The following ATP13A3 variants were observed in gnomAD, a reference collection of about 807,000 sequenced individuals.
ATP13A3 encodes the protein polyamine-transporting ATPase 13A3.
In ATP13A3, 59 loss-of-function variants were observed where a neutral mutation model predicts 158.1. The observed-to-expected ratio is 0.37, with a 90% CI of 0.30 to 0.46. The LOEUF (loss-of-function observed/expected upper bound fraction) is 0.46, where lower values mean the gene tolerates loss of function less well. Among genes scored for constraint, ATP13A3 ranks in the 20% least tolerant of loss-of-function variants. The pLI is 1.00. For missense variants in ATP13A3, 1,166 were observed against 1,525.2 expected, an observed-to-expected ratio of 0.76 and a Z score of 3.92; for synonymous variants, 491 against 504.3, an observed-to-expected ratio of 0.97 and a Z score of 0.35.
intron 4 of ATP13A3, 104 bp downstream of exon 4, chr3:194,460,554 T>C: frequency 8.5e-7 from 1 of 1,170,804 alleles, no homozygotes; most frequent in South Asian, 1.7e-5. Flanking sequence ...CCTCATTTTA[T>C]CCAGGCAGCG....
At chr3:194,452,550 C>T (rs762298692) in intron 10 of ATP13A3, 2 of 152,154 alleles carry the variant, frequency 1.3e-5, no homozygotes, top group African/African-American at 2.4e-5. Flanking sequence ...GTCTTTTGGA[C>T]TGAGCCCAAA....
chr3:194,433,646 A>C lies in ATP13A3; in HGVS notation c.2245+126T>G, dbSNP rs927411155. The C allele has an allele frequency of 1.6e-5, 20 of 1,216,118 alleles. No individual in the cohort carries two copies. The Admixed American group carries it at 2.2e-4, about 13-fold the overall frequency. The allele number at this position is 1,216,118 out of a possible 1,614,324, so 75.3% of individuals were successfully genotyped here. On this transcript the variant is annotated intron_variant, in intron 21 of 33. Transcript: ENST00000645319. The stretch of plus-strand genomic sequence containing the variant: ...GCTTGGGAAAATATTCAGAGCTAAA[A>C]GAGAACTTAGGTTGAAACCACTATA...
At chr3:194,428,105 C>T (rs1213248466) in intron 28 of ATP13A3, among the ~76,000 whole-genome samples, 1 of 151,664 alleles carries the variant, frequency 6.6e-6, no homozygotes, top group Non-Finnish European at 1.5e-5. Context: ...CCTGTAATCC[C>T]AGCTACTCAG....
chr3:194,460,743 A>C lies in ATP13A3; in HGVS notation c.140T>G (p.Leu47Arg). 6.2e-7 allele frequency: 1 copy of C among 1,609,664 alleles called. No homozygotes were observed. Among genetic ancestry groups the C allele is most frequent in the Non-Finnish European group, 8.5e-7 (1 of 1,176,874 alleles). The change falls in exon 4 of 34, where the codon CTC becomes CGC. Residue 47 changes from leucine (L) to arginine (R), a missense_variant. Leu to Arg is a moderately radical substitution (Grantham distance 102, BLOSUM62 -2). Transcript: ENST00000645319. Reference protein sequence around the residue: ...ICSGGFLLLLLYWMPEWRVKA... With the variant: ...ICSGGFLLLLRYWMPEWRVKA... ...CACCCGCCACTCAGGCATCCAATAG[A>C]GGAGGAGGAGGAGAAACCCACCAGA...
intron 11 of ATP13A3, 142 bp downstream of exon 11, chr3:194,450,003 C>T (rs1288978669): frequency 8.0e-6 from 7 of 874,308 alleles, no homozygotes; most frequent in South Asian, 1.8e-5. Flanking sequence ...ATTCGGTCTA[C>T]TCAGAATTTT....
intron 2 of ATP13A3, among the ~76,000 whole-genome samples, chr3:194,477,850 G>A (rs907208840): frequency 2.0e-4 from 30 of 152,152 alleles, no homozygotes; most frequent in African/African-American, 7.0e-4. Flanking sequence ...AGACAGAGCT[G>A]GGGCAGACAC....
intron 33 of ATP13A3, 31 bp downstream of exon 33, chr3:194,412,168 C>T (rs1577023808): frequency 2.0e-6 from 3 of 1,505,982 alleles, no homozygotes; most frequent in African/African-American, 1.4e-5. Flanking sequence ...AGAGAGGCAG[C>T]AAGAATTGAC....
At position 194,486,830 on chromosome 3, in the gene ATP13A3, G is replaced by C. The variant is rs1308562111; in HGVS notation, c.-353C>G. Reference sequence around the variant, plus strand: ...GGCGGCGGCGTGCAGCCGGCAGGGCGAGAACAAGGGAGGGCGGCGGGAGGT... The same window carrying C: ...GGCGGCGGCGTGCAGCCGGCAGGGCCAGAACAAGGGAGGGCGGCGGGAGGT... On this transcript the variant is annotated 5_prime_UTR_variant, in exon 1 of 34. Coordinates refer to ENST00000645319, the MANE Select transcript of ATP13A3 (RefSeq NM_001367549.1). The C allele has an allele frequency of 6.6e-6, 1 of 151,482 alleles. No individual in the cohort carries two copies. The highest frequency in any genetic ancestry group is 2.4e-5 in the African/African-American group (1 of 41,306). 9.4% of individuals were successfully genotyped at this position (151,482 alleles called of 1,614,324 possible).
intron 32 of ATP13A3, 102 bp downstream of exon 32, chr3:194,413,657 G>T: frequency 9.6e-7 from 1 of 1,044,844 alleles, no homozygotes; most frequent in Non-Finnish European, 1.5e-6. Flanking sequence ...CTGAGACTCT[G>T]TGGCTTTCCA....
At position 194,447,100 on chromosome 3, in the gene ATP13A3, T is replaced by G; in HGVS notation, c.1324A>C (p.Ile442Leu). The change falls in exon 14 of 34, where the codon ATA becomes CTA. Residue 442 changes from isoleucine (I) to leucine (L), a missense_variant. Ile to Leu is a conservative substitution (Grantham distance 5). Around this residue, in one of 3 missense-constraint regions of ATP13A3, gnomAD observed 997 missense variants for 1,341.2 expected, o/e 0.74. Transcript: ENST00000645319. The part of the protein sequence containing the change: ...SILNEVQVGV[I>L]IIESLDIITI... Reference sequence around the variant, plus strand: ...ATAATATCAAGAGACTCGATAATTATGACCCCAACTTGTACCTACAATTAA... The same window carrying G: ...ATAATATCAAGAGACTCGATAATTAGGACCCCAACTTGTACCTACAATTAA... The G allele has an allele frequency of 1.2e-6, 2 of 1,608,276 alleles. No homozygotes were observed. The highest frequency in any genetic ancestry group is 1.7e-6 in the Non-Finnish European group (2 of 1,178,530).
In ATP13A3 at chr3:194,437,112, T is replaced by C. The variant is rs752129910; in HGVS notation, c.2103A>G (p.Lys701=). 4.3e-6 allele frequency: 7 copies of C among 1,614,102 alleles called. No individual in the cohort carries two copies. Among genetic ancestry groups the C allele is most frequent in the Non-Finnish European group, 8.5e-7 (1 of 1,180,050 alleles). Residue 701 remains lysine, a synonymous_variant, in exon 20 of 34, where the codon AAA becomes AAG. Coordinates refer to ENST00000645319, the MANE Select transcript of ATP13A3 (RefSeq NM_001367549.1). ...RKLESKLTWH[K]VQNISRDAIE... ...AACCTCACCTGCTAATATTCTGTAC[T>C]TTATGCCATGTCAGTTTTGACTCCA...
chr3:194,423,524 C>T (rs544948807), intron 30 of ATP13A3, among the ~76,000 whole-genome samples: 15 of 152,294 alleles, frequency 9.8e-5, no homozygotes, highest in African/African-American at 3.1e-4. Context: ...AGAATGCCTG[C>T]ATCAACTGCA....
At chr3:194,406,148 AC>A in intron 33 of ATP13A3, 32 bp from the exon 34 acceptor site, 1 of 1,605,326 alleles carries the variant, frequency 6.2e-7, no homozygotes, top group Non-Finnish European at 8.5e-7. Flanking sequence ...AAAACAAAAC[AC>A]CCCAGTTGAT....
chr3:194,473,839 A>C (rs1720415070), intron 2 of ATP13A3, among the ~76,000 whole-genome samples: 1 of 152,244 alleles, frequency 6.6e-6, no homozygotes, highest in African/African-American at 2.4e-5. Flanking sequence ...GAATGAGTTA[A>C]ATCTATGTGT....
Position 194,431,116 on chromosome 3 carries a change from G to A in ATP13A3, c.2532C>T (p.Asp844=), listed in dbSNP as rs750561001. The A allele has an allele frequency of 6.2e-7, 1 of 1,613,818 alleles. No homozygotes were observed. Among genetic ancestry groups the A allele is most frequent in the East Asian group, 2.2e-5 (1 of 44,868 alleles). Residue 844 remains aspartate, a synonymous_variant, in exon 23 of 34, where the codon GAC becomes GAT. Coordinates refer to ENST00000645319, the MANE Select transcript of ATP13A3 (RefSeq NM_001367549.1). ...CCAAATTACTTACCTTAGGAACAAGGTCTTGAAAATGCTCCAGTATCACTG... is the reference window on the plus strand; with the variant it reads ...CCAAATTACTTACCTTAGGAACAAGATCTTGAAAATGCTCCAGTATCACTG... ...SFSVILEHFQ[D]LVPKLMLHGT...
chr3:194,459,699 CT>C lies in ATP13A3; in HGVS notation c.408+89del. 4 of 1,395,796 alleles carry C rather than the reference CT, an allele frequency of 2.9e-6. 1 individual carries two copies. In the South Asian group the frequency reaches 5.7e-5, roughly 20 times the overall value. The allele number at this position is 1,395,796 out of a possible 1,614,324, so 86.5% of individuals were successfully genotyped here. A position where few individuals can be genotyped will look rare whatever the true frequency, so the allele number is the denominator to read the frequency against. On this transcript the variant is annotated intron_variant, in intron 5 of 33. Coordinates refer to ENST00000645319, the MANE Select transcript of ATP13A3 (RefSeq NM_001367549.1). ...CAGGTAAATTTATCTCAAGCATTAACTGCAAACACAAAATTATAGAATATAC... is the reference window on the plus strand; with the variant it reads ...CAGGTAAATTTATCTCAAGCATTAACGCAAACACAAAATTATAGAATATAC...
chr3:194,470,319 T>A lies in ATP13A3; in HGVS notation c.-46-8083A>T, dbSNP rs1039476345. On this transcript the variant is annotated intron_variant, in intron 2 of 33. Coordinates refer to ENST00000645319, the MANE Select transcript of ATP13A3 (RefSeq NM_001367549.1). ...ATGTTACAAAACAATGTGATAGCTATAACAAAATAAGCTATAATTAGGAAA... is the reference window on the plus strand; with the variant it reads ...ATGTTACAAAACAATGTGATAGCTAAAACAAAATAAGCTATAATTAGGAAA... Among the ~76,000 whole-genome samples, 14 of 152,322 alleles carry A rather than the reference T, an allele frequency of 9.2e-5. No individual in the cohort carries two copies. In the East Asian group the frequency reaches 2.7e-3, roughly 29 times the overall value.
rs1316261717 is a variant in ATP13A3 at position 194,405,106 on chromosome 3, A to C, written c.*813T>G. 2.6e-5 allele frequency: 4 copies of C among 152,268 alleles called. No homozygotes were observed. The highest frequency in any genetic ancestry group is 9.6e-5 in the African/African-American group (4 of 41,466). The allele number at this position is 152,268 out of a possible 1,614,324, so 9.4% of individuals were successfully genotyped here. On this transcript the variant is annotated 3_prime_UTR_variant, in exon 34 of 34. Coordinates refer to ENST00000645319, the MANE Select transcript of ATP13A3 (RefSeq NM_001367549.1). The stretch of plus-strand genomic sequence containing the variant: ...TGAAGAAACGTTAAAAGATGAATCT[A>C]CATCTACTGCCGAAAGAAATGAATC...
At chr3:194,489,006 G>C (rs563086266), upstream of ATP13A3, among the ~76,000 whole-genome samples, 52 of 152,176 alleles carry the variant, frequency 3.4e-4, no homozygotes, top group African/African-American at 1.2e-3. The surrounding 1 kb of genome is among the most constrained non-coding windows in gnomAD (Gnocchi z 4.1). Context: ...TGCTTTCATA[G>C]CTGCCCCTCC....
Sources: gnomAD v4.1 joint callset for allele counts (sites outside exome capture counted in the v4.1 genomes callset) on GRCh38, gnomAD v4.1.1 for gene constraint, gnomAD v4.1.1 regional missense constraint, Gnocchi (gnomAD v3.1) non-coding constraint, MANE v1.5 for transcripts, NCBI Gene and HGNC (gene_info 2026-07-23, HGNC 2026-07-21) for gene names.